Variants in PLXNC1 observed in about 807,000 individuals in gnomAD.
The protein encoded by PLXNC1 is plexin-C1.
A neutral mutation model predicts 178.2 loss-of-function variants in PLXNC1; 75 were observed. The observed-to-expected ratio is 0.42, with a 90% CI of 0.35 to 0.51. The LOEUF (loss-of-function observed/expected upper bound fraction) is 0.51. Ranked by LOEUF, PLXNC1 falls within the 20% of genes least tolerant of loss-of-function variation. The pLI, the probability that PLXNC1 is intolerant of heterozygous loss-of-function variation, is 0.02. For synonymous variants in PLXNC1, 790 were observed against 779.9 expected (o/e 1.01, Z -0.22); for missense variants, 1,503 against 1,984.4 (o/e 0.76, Z 4.61).
chr12:94,303,732 CT>C (rs201354613), intron 28 of PLXNC1, 23 bp from the exon 29 acceptor site: 185,726 of 815,406 alleles, frequency 0.23, 259 homozygotes, highest in Middle Eastern at 0.29. Context: ...GTGATGGTTG[CT>C]TTTTTTTTTT....
intron 9 of PLXNC1, chr12:94,227,557 C>T (rs1963980914): frequency 4.1e-6 from 1 of 246,776 alleles, no homozygotes; most frequent in Non-Finnish European, 8.0e-6. Context: ...GGGATTTCAA[C>T]TTGCACTTTA....
chr12:94,204,628 T>C (rs1300225904), intron 4 of PLXNC1, among the ~76,000 whole-genome samples: 1 of 152,240 alleles, frequency 6.6e-6, no homozygotes, highest in Non-Finnish European at 1.5e-5. Context: ...CTTCCTATTC[T>C]CGTCCATTCA....
chr12:94,195,770 C>T lies in PLXNC1; in HGVS notation c.1439+9297C>T, dbSNP rs148380252. 1.1e-4 allele frequency among the ~76,000 whole-genome samples: 16 copies of T among 152,280 alleles called. No individual in the cohort carries two copies. The East Asian group carries it at 2.5e-3, about 24-fold the overall frequency. ...ATCGTGAAAGAGATCATTTCTCGCT[C>T]GGTCTAACAGCAGGGCCCTGTGGTC... is the stretch of plus-strand genomic sequence containing the variant. On this transcript the variant is annotated intron_variant, in intron 4 of 30. Coordinates refer to ENST00000258526, the MANE Select transcript of PLXNC1 (RefSeq NM_005761.3).
At chr12:94,301,192 AT>A in intron 28 of PLXNC1, 135 bp downstream of exon 28, 2 of 560,000 alleles carry the variant, frequency 3.6e-6, no homozygotes, top group South Asian at 5.8e-5. Flanking sequence ...GCCACTGTCA[AT>A]TTGCTGTTAT....
At position 94,148,958 on chromosome 12, in the gene PLXNC1, GC is replaced by G. The variant is rs1350913781; in HGVS notation, c.-7del. On this transcript the variant is annotated 5_prime_UTR_variant, in exon 1 of 31. Coordinates refer to ENST00000258526, the MANE Select transcript of PLXNC1 (RefSeq NM_005761.3). The surrounding 1 kb of genome is among the most constrained non-coding windows in gnomAD (Gnocchi z 4.8). ...CCGCCGCGCGCCCTGCCCGGGGGCG[GC>G]CCCCCCAGCCCCATGGAGGTCTCCC... The G allele has an allele frequency of 2.4e-4, 276 of 1,127,440 alleles. 1 individual carries two copies. Among genetic ancestry groups the G allele is most frequent in the East Asian group, 8.6e-4 (26 of 30,088 alleles). 69.8% of individuals were successfully genotyped at this position (1,127,440 alleles called of 1,614,324 possible). A position where few individuals can be genotyped will look rare whatever the true frequency, so the allele number is the denominator to read the frequency against.
chr12:94,160,495 C>A (rs892280760), intron 1 of PLXNC1, among the ~76,000 whole-genome samples: 1 of 152,198 alleles, frequency 6.6e-6, no homozygotes, highest in Non-Finnish European at 1.5e-5. Context: ...TGTTACCTAA[C>A]ACACCAGCTG....
chr12:94,186,239 G>A, intron 3 of PLXNC1, 134 bp from the exon 4 acceptor site: 1 of 634,522 alleles, frequency 1.6e-6, no homozygotes, highest in Non-Finnish European at 2.9e-6. Context: ...GAGACCCACT[G>A]CCCAGTGCCA....
chr12:94,292,493 T>C (rs1967437765), intron 23 of PLXNC1, among the ~76,000 whole-genome samples: 1 of 152,188 alleles, frequency 6.6e-6, no homozygotes, highest in South Asian at 2.1e-4. Context: ...TATATGCAAA[T>C]TTTGTGATTT....
rs1962754428 is a variant in PLXNC1, at chr12:94,192,270, A to G, written c.1439+5797A>G. Among the ~76,000 whole-genome samples, 3 of 152,290 alleles carry G rather than the reference A, an allele frequency of 2.0e-5. No homozygotes were observed. The South Asian group carries it at 6.2e-4, about 32-fold the overall frequency. On this transcript the variant is annotated intron_variant, in intron 4 of 30. Transcript: ENST00000258526. ...CTTGGCTTTAAGGAACTCGCATGCT[A>G]GCTGGGAAGGCAGACTTATCAATGG... is the stretch of plus-strand genomic sequence containing the variant.
Position 94,306,063 on chromosome 12 carries a change from T to A in PLXNC1, c.*778T>A, listed in dbSNP as rs1027358400. The A allele has an allele frequency of 1.3e-5, 2 of 152,170 alleles. No homozygotes were observed. The highest frequency in any genetic ancestry group is 4.8e-5 in the African/African-American group (2 of 41,424). 9.4% of individuals were successfully genotyped at this position (152,170 alleles called of 1,614,324 possible). On this transcript the variant is annotated 3_prime_UTR_variant, in exon 31 of 31. Coordinates refer to ENST00000258526, the MANE Select transcript of PLXNC1 (RefSeq NM_005761.3). The stretch of plus-strand genomic sequence containing the variant: ...TTTTCATACTAAATGTATTTGATAG[T>A]GGACATGTTGGATATTATACAAAAA...
intron 4 of PLXNC1, 138 bp downstream of exon 4, chr12:94,186,611 C>A: frequency 1.6e-6 from 1 of 634,114 alleles, no homozygotes. Context: ...TCTTGTTGTG[C>A]AATCCTAATG....
intron 14 of PLXNC1, among the ~76,000 whole-genome samples, chr12:94,249,821 CA>C (rs201187830): frequency 0.023 from 3,510 of 151,866 alleles, 55 homozygotes; most frequent in East Asian, 0.062. Context: ...ATAAAACAGA[CA>C]AAAACATCTG....
chr12:94,211,625 A>G (rs1457152699), intron 5 of PLXNC1, among the ~76,000 whole-genome samples: 1 of 152,230 alleles, frequency 6.6e-6, no homozygotes, highest in African/African-American at 2.4e-5. Flanking sequence ...TCCATATAAT[A>G]AGAACCTCTG....
Position 94,298,673 on chromosome 12 carries a change from T to C in PLXNC1, c.4116T>C (p.Ile1372=). The C allele has an allele frequency of 6.2e-7, 1 of 1,610,152 alleles. No homozygotes were observed. Among genetic ancestry groups the C allele is most frequent in the Non-Finnish European group, 8.5e-7 (1 of 1,179,058 alleles). The part of the protein sequence containing the change: ...HSVLEKLFRS[I]WSLPNSRAPF... ...TGCTTGAAAAACTTTTTAGAAGCAT[T>C]TGGAGTTTACCCAACAGCAGAGCTC... The change falls in exon 27 of 31, where the codon ATT becomes ATC. Residue 1372 remains isoleucine (I), a synonymous_variant. Transcript: ENST00000258526.
chr12:94,207,551 A>G (rs1173932818), intron 4 of PLXNC1, among the ~76,000 whole-genome samples: 2 of 152,210 alleles, frequency 1.3e-5, no homozygotes, highest in African/African-American at 4.8e-5. Context: ...AAACCCTAGT[A>G]TTTGCATATC....
At chr12:94,233,418 G>T (rs1161743691) in intron 9 of PLXNC1, among the ~76,000 whole-genome samples, 7 of 152,200 alleles carry the variant, frequency 4.6e-5, no homozygotes, top group Non-Finnish European at 1.0e-4. Context: ...GTCCAGGTCT[G>T]GGGAGCCACA....
In PLXNC1 at chr12:94,149,942, C is replaced by T. The variant is rs756835855; in HGVS notation, c.971C>T (p.Thr324Ile). 1 of 1,587,044 alleles carries T rather than the reference C, an allele frequency of 6.3e-7. No homozygotes were observed. The highest frequency in any genetic ancestry group is 1.1e-5 in the South Asian group (1 of 87,484). Residue 324 changes from threonine to isoleucine, a missense_variant, in exon 1 of 31, where the codon ACC becomes ATC. Transcript: ENST00000258526. Reference protein sequence around the residue: ...AGEGQERRSPTTTALCLFRMS... With the variant: ...AGEGQERRSPITTALCLFRMS... ...GAGGGCCAGGAGCGGCGCTCCCCCACCACCACGGCGCTCTGCCTCTTCAGA... is the reference window on the plus strand; with the variant it reads ...GAGGGCCAGGAGCGGCGCTCCCCCATCACCACGGCGCTCTGCCTCTTCAGA...
intron 2 of PLXNC1, among the ~76,000 whole-genome samples, chr12:94,178,181 G>A (rs1962171932): frequency 6.6e-6 from 1 of 152,068 alleles, no homozygotes; most frequent in South Asian, 2.1e-4. Flanking sequence ...GAAAAAACCA[G>A]GTATTTTGCC....
intron 2 of PLXNC1, among the ~76,000 whole-genome samples, chr12:94,175,325 T>C (rs936352990): frequency 6.6e-6 from 1 of 152,266 alleles, no homozygotes; most frequent in African/African-American, 2.4e-5. Flanking sequence ...GAAATTAAAT[T>C]TGGCATAAAA....
Sources: gnomAD v4.1 joint callset for allele counts (sites outside exome capture counted in the v4.1 genomes callset) on GRCh38, gnomAD v4.1.1 for gene constraint, Gnocchi (gnomAD v3.1) non-coding constraint, MANE v1.5 for transcripts, NCBI Gene and HGNC (gene_info 2026-07-23, HGNC 2026-07-21) for gene names.